Variants in PDE4D observed in about 807,000 individuals in gnomAD.
PDE4D encodes the protein phosphodiesterase 4D.
In PDE4D, 24 loss-of-function variants were observed where a neutral mutation model predicts 87.4. The observed-to-expected ratio is 0.27, with a 90% confidence interval of 0.20 to 0.39. PDE4D has a LOEUF of 0.39. PDE4D is among the 10% of genes least tolerant of loss of function. PDE4D has a pLI of 1.00. For missense variants in PDE4D, 714 were observed against 1,041.0 expected (o/e 0.69, Z 4.32); for synonymous variants, 384 against 383.2 (o/e 1.00, Z -0.02).
upstream of PDE4D, among the ~76,000 whole-genome samples, chr5:59,895,728 C>T (rs906432060): frequency 5.9e-5 from 9 of 152,156 alleles, no homozygotes; most frequent in African/African-American, 1.9e-4. Flanking sequence ...CACCTTTCGC[C>T]TCAATATAAC....
At chr5:59,261,568 T>C (rs1253169095) in intron 1 of PDE4D, among the ~76,000 whole-genome samples, 1 of 151,854 alleles carries the variant, frequency 6.6e-6, no homozygotes, top group Non-Finnish European at 1.5e-5. Context: ...TGGCAATAAG[T>C]GAAATAATGC....
intron 1 of PDE4D, among the ~76,000 whole-genome samples, chr5:59,864,623 A>C (rs544505547): frequency 3.0e-4 from 46 of 152,330 alleles, no homozygotes; most frequent in Non-Finnish European, 5.3e-4. Context: ...TGTGCCTATG[A>C]ATAGTTAGGG....
chr5:60,065,546 C>A (rs932296084), intron 2 of PDE4D, among the ~76,000 whole-genome samples: 2 of 152,002 alleles, frequency 1.3e-5, no homozygotes, highest in Non-Finnish European at 2.9e-5. Flanking sequence ...ATTAACTCAT[C>A]ATTTAGCATT....
intron 5 of PDE4D, among the ~76,000 whole-genome samples, chr5:59,097,535 C>A (rs765915275): frequency 6.6e-6 from 1 of 152,100 alleles, no homozygotes; most frequent in Non-Finnish European, 1.5e-5. Context: ...CCATAACTTG[C>A]CAATTAAAAT....
intron 1 of PDE4D, among the ~76,000 whole-genome samples, chr5:59,259,845 T>G (rs770831756): frequency 3.7e-4 from 56 of 151,916 alleles, no homozygotes; most frequent in Non-Finnish European, 5.9e-4. Flanking sequence ...ATTACTCCTA[T>G]TAGTCAGAAA....
intron 1 of PDE4D, among the ~76,000 whole-genome samples, chr5:60,331,963 C>T (rs1757339111): frequency 6.6e-6 from 1 of 152,168 alleles, no homozygotes; most frequent in African/African-American, 2.4e-5. Context: ...TCTAACAAGT[C>T]CAAGGTCTTG....
intron 2 of PDE4D, among the ~76,000 whole-genome samples, chr5:60,078,523 T>G (rs1228247945): frequency 6.6e-6 from 1 of 152,142 alleles, no homozygotes; most frequent in Non-Finnish European, 1.5e-5. Context: ...GACCATCCTC[T>G]AAGTTCCCTC....
intron 6 of PDE4D, among the ~76,000 whole-genome samples, chr5:59,014,628 TC>T (rs1753591321): frequency 6.6e-6 from 1 of 152,118 alleles, no homozygotes; most frequent in East Asian, 1.9e-4. Context: ...AAACCACTGC[TC>T]AACAAAATAA....
At chr5:60,315,698 T>C (rs1311019414) in intron 1 of PDE4D, among the ~76,000 whole-genome samples, 2 of 152,358 alleles carry the variant, frequency 1.3e-5, no homozygotes, top group Non-Finnish European at 2.9e-5. Flanking sequence ...TTCAGCTTTC[T>C]ACATATGGCT....
chr5:59,401,973 G>A (rs1790726531), intron 1 of PDE4D, among the ~76,000 whole-genome samples: 1 of 152,164 alleles, frequency 6.6e-6, no homozygotes, highest in South Asian at 2.1e-4. Flanking sequence ...CACATGTTCT[G>A]CCAACCACCC....
intron 1 of PDE4D, among the ~76,000 whole-genome samples, chr5:59,845,911 G>A (rs1743771992): frequency 6.6e-6 from 1 of 152,032 alleles, no homozygotes; most frequent in African/African-American, 2.4e-5. Flanking sequence ...GATCCCAGAA[G>A]CAGTTATGTG....
chr5:59,626,458 A>T (rs543942304), intron 1 of PDE4D, among the ~76,000 whole-genome samples: 1 of 152,312 alleles, frequency 6.6e-6, no homozygotes, highest in African/African-American at 2.4e-5. Flanking sequence ...TTCAAGGGTG[A>T]CTGCTTTACA....
At chr5:60,306,381 GAATAA>G (rs1318063493) in intron 1 of PDE4D, among the ~76,000 whole-genome samples, 1 of 151,718 alleles carries the variant, frequency 6.6e-6, no homozygotes, top group Non-Finnish European at 1.5e-5. Flanking sequence ...TTTAAAAATT[GAATAA>G]AATAAAATAA....
intron 1 of PDE4D, among the ~76,000 whole-genome samples, chr5:59,688,329 C>A (rs1436633677): frequency 6.6e-6 from 1 of 152,178 alleles, no homozygotes; most frequent in Non-Finnish European, 1.5e-5. Context: ...GTAAAGCACT[C>A]CTCAGCAAAT....
In PDE4D at chr5:60,474,105, CATATATATATAT is replaced by C. The variant is rs1158022321; in HGVS notation, c.-90+13825_-90+13836del. On this transcript the variant is annotated intron_variant, in intron 1 of 16. Transcript: ENST00000502484. ...TACTGTCTCAGTCCCTTTGAGCTGC[CATATATATATAT>C]ATATATATATATATATATATATATA... is the stretch of plus-strand genomic sequence containing the variant. Among the ~76,000 whole-genome samples the C allele has an allele frequency of 7.0e-3, 216 of 30,998 alleles. 4 individuals are homozygous for C. The highest frequency in any genetic ancestry group is 0.015 in the South Asian group (10 of 654). 20.3% of individuals were successfully genotyped at this position (30,998 alleles called of 152,430 possible). A position where few individuals can be genotyped will look rare whatever the true frequency, so the allele number is the denominator to read the frequency against.
intron 1 of PDE4D, among the ~76,000 whole-genome samples, chr5:59,551,938 G>A (rs967831420): frequency 3.9e-5 from 6 of 151,996 alleles, no homozygotes; most frequent in Admixed American, 2.0e-4. Context: ...AGAATTGGCC[G>A]GGCACAGTGG....
intron 1 of PDE4D, among the ~76,000 whole-genome samples, chr5:60,340,596 G>T (rs1192496457): frequency 1.9e-5 from 2 of 105,158 alleles, no homozygotes; most frequent in Non-Finnish European, 3.6e-5. Flanking sequence ...TCACAAAGCA[G>T]TCACATCATT....
chr5:60,499,830 T>C (rs1461995049), intron 1 of PDE4D, among the ~76,000 whole-genome samples: 2 of 152,130 alleles, frequency 1.3e-5, no homozygotes, highest in Non-Finnish European at 2.9e-5. Flanking sequence ...GGTTTGAAAA[T>C]GCTTATGGTA....
chr5:59,881,106 T>C (rs555047914), intron 1 of PDE4D, among the ~76,000 whole-genome samples: 1 of 152,326 alleles, frequency 6.6e-6, no homozygotes, highest in South Asian at 2.1e-4. Flanking sequence ...CCATTTTGAA[T>C]TGGCAATTAT....
Sources: allele counts gnomAD v4.1 joint callset (sites outside exome capture counted in the v4.1 genomes callset), GRCh38; gene constraint gnomAD v4.1.1; transcripts MANE v1.5; gene names NCBI Gene and HGNC (gene_info 2026-07-23, HGNC 2026-07-21).